Variants in FAM193A observed in about 807,000 individuals in gnomAD.
FAM193A encodes protein FAM193A.
FAM193A carries 22 observed loss-of-function variants against 126.5 expected under a neutral mutation model. That is an observed-to-expected ratio of 0.17 (90% confidence interval 0.12 to 0.25). The LOEUF (loss-of-function observed/expected upper bound fraction) is 0.25, where lower values mean the gene tolerates loss of function less well. Ranked by LOEUF, FAM193A falls within the 10% of genes least tolerant of loss-of-function variation. The pLI, the probability that FAM193A is intolerant of heterozygous loss-of-function variation, is 1.00. For missense variants in FAM193A, 1,675 were observed against 1,672.8 expected (o/e 1.00, Z -0.02); for synonymous variants, 761 against 646.8 (o/e 1.18, Z -2.68).
chr4:2,720,660 A>C (rs914228040), intron 20 of FAM193A, among the ~76,000 whole-genome samples: 7 of 152,196 alleles, frequency 4.6e-5, no homozygotes, highest in African/African-American at 1.7e-4. Flanking sequence ...AAAAAAAAAA[A>C]AAAACAGTTA....
At chr4:2,603,155 TGTATATATATATA>T (rs1741311160) in intron 2 of FAM193A, among the ~76,000 whole-genome samples, 1 of 147,394 alleles carries the variant, frequency 6.8e-6, no homozygotes, top group African/African-American at 2.6e-5. Flanking sequence ...TATATATATA[TGTATATATATATA>T]TTTTTTAGTA....
intron 7 of FAM193A, 125 bp downstream of exon 7, chr4:2,646,957 G>T (rs554826298): frequency 5.0e-5 from 53 of 1,049,936 alleles, no homozygotes; most frequent in Non-Finnish European, 6.5e-5. Flanking sequence ...GCCCAGAGGC[G>T]CATGTGGGTA....
At position 2,732,027 on chromosome 4, in the gene FAM193A, C is replaced by G; in HGVS notation, c.*159C>G. ...CAGACCGAGAAGTTGATGCTCGGCC[C>G]ACGCCGTTAGCTCGTGTGCGTGTAG... On this transcript the variant is annotated 3_prime_UTR_variant, in exon 21 of 21. Coordinates refer to ENST00000637812, the MANE Select transcript of FAM193A (RefSeq NM_001366318.2). 1 of 666,702 alleles carries G rather than the reference C, an allele frequency of 1.5e-6. No homozygotes were observed. The allele number at this position is 666,702 out of a possible 1,614,324, so 41.3% of individuals were successfully genotyped here.
Position 2,691,086 on chromosome 4 carries a change from A to G in FAM193A, c.2803+116A>G, listed in dbSNP as rs1716324687. On this transcript the variant is annotated intron_variant, in intron 15 of 20. Coordinates refer to ENST00000637812, the MANE Select transcript of FAM193A (RefSeq NM_001366318.2). ...TTTTACTTGGCCTAGCCAGAGGCGT[A>G]AGTGTAATTAACTGCCCAAAAATGC... 6 of 929,164 alleles carry G rather than the reference A, an allele frequency of 6.5e-6. No homozygotes were observed. The South Asian group carries it at 1.0e-4, about 16-fold the overall frequency. 57.6% of individuals were successfully genotyped at this position (929,164 alleles called of 1,614,324 possible). A position where few individuals can be genotyped will look rare whatever the true frequency, so the allele number is the denominator to read the frequency against.
chr4:2,657,750 T>C, intron 7 of FAM193A, 53 bp from the exon 8 acceptor site: 1 of 1,131,868 alleles, frequency 8.8e-7, no homozygotes, highest in Non-Finnish European at 1.3e-6. Context: ...TGTATAATTG[T>C]CGCAGGTATT....
chr4:2,676,960 T>A (rs566587664), intron 13 of FAM193A, among the ~76,000 whole-genome samples: 2 of 152,172 alleles, frequency 1.3e-5, no homozygotes, highest in African/African-American at 4.8e-5. Context: ...AAAATTTTCA[T>A]GCAGTCCAAT....
At position 2,659,921 on chromosome 4, in the gene FAM193A, G is replaced by T; in HGVS notation, c.1612G>T (p.Ala538Ser). ...CCAGCTCCCACTTCAAGTGGATCCTGCTCCTGACTATCTTGCTGAGAGGAG... is the reference window on the plus strand; with the variant it reads ...CCAGCTCCCACTTCAAGTGGATCCTTCTCCTGACTATCTTGCTGAGAGGAG... ...IHQLPLQVDP[A>S]PDYLAERSPP... is the part of the protein sequence containing the mutation. The change falls in exon 10 of 21, where the codon GCT (alanine) becomes TCT (serine). Residue 538 changes from alanine (A) to serine (S), a missense_variant. Ala to Ser is a moderately conservative substitution (Grantham distance 99, BLOSUM62 1). Transcript: ENST00000637812. 6.2e-7 allele frequency: 1 copy of T among 1,614,140 alleles called. No individual in the cohort carries two copies. Among genetic ancestry groups the T allele is most frequent in the South Asian group, 1.1e-5 (1 of 91,076 alleles).
chr4:2,699,847 AAAG>A lies in FAM193A; in HGVS notation c.3685_3687del (p.Lys1229del), dbSNP rs766372221. On this transcript the variant is annotated inframe_deletion, in exon 19 of 21. Transcript: ENST00000637812. ...AGCTTCAGAAGCTAAGAGCTGTAAA[AAAG>A]AAGAAGAAGGAGAGGCCAAGTAAAG... is the stretch of plus-strand genomic sequence containing the variant. The A allele has an allele frequency of 6.1e-5, 99 of 1,614,000 alleles. No homozygotes were observed. Among genetic ancestry groups the A allele is most frequent in the South Asian group, 4.6e-4 (42 of 91,082 alleles).
Position 2,728,896 on chromosome 4 carries a change from C to CTTTTTTTTT in FAM193A, c.4455-2861_4455-2853dup, listed in dbSNP as rs34029424. ...AAGCAAATATGTTCCACCTCCAAAA[C>CTTTTTTTTT]TTTTTTTTTTTTTTTTTTTTTTTTT... On this transcript the variant is annotated intron_variant, in intron 20 of 20. Transcript: ENST00000637812. Among the ~76,000 whole-genome samples, 299 of 97,118 alleles carry CTTTTTTTTT rather than the reference C, an allele frequency of 3.1e-3. 44 individuals are homozygous for CTTTTTTTTT. Among genetic ancestry groups the CTTTTTTTTT allele is most frequent in the African/African-American group, 0.013 (243 of 19,282 alleles). 63.7% of individuals were successfully genotyped at this position (97,118 alleles called of 152,430 possible). A position where few individuals can be genotyped will look rare whatever the true frequency, so the allele number is the denominator to read the frequency against.
chr4:2,568,815 T>G (rs1739117886), intron 1 of FAM193A, among the ~76,000 whole-genome samples: 1 of 152,196 alleles, frequency 6.6e-6, no homozygotes, highest in Non-Finnish European at 1.5e-5. Context: ...TTTAGTTACT[T>G]CTGATTCTAG....
chr4:2,657,035 C>T (rs149556116), intron 7 of FAM193A, among the ~76,000 whole-genome samples: 2,553 of 152,140 alleles, frequency 0.017, 54 homozygotes, highest in African/African-American at 0.049. Flanking sequence ...GGCGTGGTGG[C>T]GGGCACCTAT....
intron 19 of FAM193A, among the ~76,000 whole-genome samples, chr4:2,706,513 C>G (rs1246470659): frequency 1.3e-5 from 2 of 151,914 alleles, no homozygotes. Context: ...TCAGGCTGGT[C>G]TCAAACTCCC....
chr4:2,584,583 C>A (rs1172746942), intron 1 of FAM193A, among the ~76,000 whole-genome samples: 1 of 152,098 alleles, frequency 6.6e-6, no homozygotes, highest in African/African-American at 2.4e-5. Context: ...CTCCAAAAGC[C>A]TGCTAAAGGC....
chr4:2,711,870 T>C (rs1313649936), intron 19 of FAM193A, among the ~76,000 whole-genome samples: 1 of 152,058 alleles, frequency 6.6e-6, no homozygotes, highest in African/African-American at 2.4e-5. Context: ...AAGGTTGTGG[T>C]GAGCTGAGAT....
At chr4:2,571,295 T>C (rs1333895204) in intron 1 of FAM193A, among the ~76,000 whole-genome samples, 1 of 152,162 alleles carries the variant, frequency 6.6e-6, no homozygotes, top group Non-Finnish European at 1.5e-5. Flanking sequence ...GGATTAATTA[T>C]CCATTCTGAG....
In FAM193A at chr4:2,596,149, G is replaced by C. The variant is rs990263572; in HGVS notation, c.321G>C (p.Leu107=). ...PPYPAGDYCL[L]CRSERKDSSF... ...ACCCTGCTGGGGATTATTGTCTTCT[G>C]TGCAGAAGTGAACGGAAAGACTCAT... The change falls in exon 2 of 21, where the codon CTG becomes CTC. Residue 107 remains leucine (L), a synonymous_variant. Coordinates refer to ENST00000637812, the MANE Select transcript of FAM193A (RefSeq NM_001366318.2). The C allele has an allele frequency of 2.8e-6, 2 of 702,878 alleles. No individual in the cohort carries two copies. Among genetic ancestry groups the C allele is most frequent in the Non-Finnish European group, 5.2e-6 (2 of 384,994 alleles). The allele number at this position is 702,878 out of a possible 1,614,324, so 43.5% of individuals were successfully genotyped here. A position where few individuals can be genotyped will look rare whatever the true frequency, so the allele number is the denominator to read the frequency against.
At chr4:2,704,150 C>T (rs1718046314) in intron 19 of FAM193A, among the ~76,000 whole-genome samples, 1 of 151,836 alleles carries the variant, frequency 6.6e-6, no homozygotes, top group African/African-American at 2.4e-5. Flanking sequence ...ATAATCCCAG[C>T]TACTCGGGAG....
At chr4:2,617,544 A>G (rs150263556) in intron 2 of FAM193A, among the ~76,000 whole-genome samples, 4,329 of 151,692 alleles carry the variant, frequency 0.029, 222 homozygotes, top group African/African-American at 0.099. Context: ...GATTACAGGC[A>G]TGAGCCACCG....
At chr4:2,569,390 A>G (rs1739161578) in intron 1 of FAM193A, among the ~76,000 whole-genome samples, 1 of 152,230 alleles carries the variant, frequency 6.6e-6, no homozygotes, top group Non-Finnish European at 1.5e-5. Context: ...ATTTAGCAGT[A>G]ATACAAAAGC....
Sources: gnomAD v4.1 joint callset for allele counts (sites outside exome capture counted in the v4.1 genomes callset) on GRCh38, gnomAD v4.1.1 for gene constraint, MANE v1.5 for transcripts, NCBI Gene and HGNC (gene_info 2026-07-23, HGNC 2026-07-21) for gene names.